NBEA: variants seen among roughly 807,000 people sequenced by gnomAD.
NBEA encodes the protein neurobeachin, also known as lysosomal-trafficking regulator 2.
A neutral mutation model predicts 343.4 loss-of-function variants in NBEA; 44 were observed. The observed-to-expected ratio is 0.13, with a 90% CI of 0.10 to 0.16. NBEA has a LOEUF of 0.16. Among genes scored for constraint, NBEA ranks in the 10% least tolerant of loss-of-function variants. The pLI, the probability that NBEA is intolerant of heterozygous loss-of-function variation, is 1.00. For missense variants in NBEA, 2,555 were observed against 3,631.3 expected (o/e 0.70, Z 7.62); for synonymous variants, 1,175 against 1,238.7 (o/e 0.95, Z 1.08).
intron 38 of NBEA, among the ~76,000 whole-genome samples, chr13:35,359,433 T>A (rs1406828249): frequency 3.9e-5 from 6 of 152,180 alleles, no homozygotes; most frequent in African/African-American, 1.2e-4. Context: ...TACTAATTGT[T>A]GTTATATCCC....
intron 51 of NBEA, 84 bp downstream of exon 51, chr13:35,646,432 A>T: frequency 1.0e-6 from 1 of 988,124 alleles, no homozygotes; most frequent in Non-Finnish European, 1.6e-6. Flanking sequence ...TTTTAACAGC[A>T]TATTTTAAAA....
At chr13:35,467,256 A>G (rs1254953738) in intron 40 of NBEA, among the ~76,000 whole-genome samples, 1 of 152,018 alleles carries the variant, frequency 6.6e-6, no homozygotes, top group Admixed American at 6.6e-5. Flanking sequence ...GGCGGATCAC[A>G]AGGTCAGGAG....
intron 18 of NBEA, 143 bp from the exon 19 acceptor site, chr13:35,155,630 GA>G: frequency 1.6e-6 from 1 of 606,282 alleles, no homozygotes. Context: ...TTGAAAGAAA[GA>G]AAGAAAAAAG....
intron 34 of NBEA, among the ~76,000 whole-genome samples, chr13:35,275,995 T>C (rs2034556486): frequency 6.6e-6 from 1 of 151,882 alleles, no homozygotes; most frequent in African/African-American, 2.4e-5. Flanking sequence ...GAACTTAAAG[T>C]ATAATAATTT....
At position 35,655,797 on chromosome 13, in the gene NBEA, A is replaced by G. The variant is rs370661118; in HGVS notation, c.8362+48A>G. On this transcript the variant is annotated intron_variant, in intron 55 of 58. Transcript: ENST00000379939. Reference sequence around the variant, plus strand: ...TCCTATCAAACTATAGTTTATTTAAATATATTTTGCCTTTTTGATTTTCCT... The same window carrying G: ...TCCTATCAAACTATAGTTTATTTAAGTATATTTTGCCTTTTTGATTTTCCT... The G allele has an allele frequency of 1.9e-5, 29 of 1,514,020 alleles. No homozygotes were observed. In the African/African-American group the frequency reaches 3.4e-4, roughly 18 times the overall value. 93.8% of individuals were successfully genotyped at this position (1,514,020 alleles called of 1,614,324 possible).
chr13:35,527,205 G>A (rs552499721), intron 41 of NBEA, among the ~76,000 whole-genome samples: 2 of 152,294 alleles, frequency 1.3e-5, no homozygotes, highest in Admixed American at 1.3e-4. Context: ...TCAGACGGGA[G>A]GAAGTACATG....
At chr13:35,609,970 C>T (rs1177623584) in intron 48 of NBEA, among the ~76,000 whole-genome samples, 1 of 152,122 alleles carries the variant, frequency 6.6e-6, no homozygotes. Context: ...CTTAGGAGTA[C>T]GTCTGCACTG....
At chr13:35,201,104 A>G (rs1278774072) in intron 31 of NBEA, among the ~76,000 whole-genome samples, 4 of 152,034 alleles carry the variant, frequency 2.6e-5, no homozygotes, top group Non-Finnish European at 4.4e-5. Flanking sequence ...TTTACAATTG[A>G]AATTTTCTAC....
At chr13:35,284,000 A>ACG (rs1470958204) in intron 34 of NBEA, among the ~76,000 whole-genome samples, 2 of 142,206 alleles carry the variant, frequency 1.4e-5, no homozygotes, top group Non-Finnish European at 1.6e-5. Context: ...ACACACACAC[A>ACG]CACACACACA....
At chr13:35,463,170 AG>A (rs1178715872) in intron 40 of NBEA, among the ~76,000 whole-genome samples, 1 of 152,244 alleles carries the variant, frequency 6.6e-6, no homozygotes, top group Non-Finnish European at 1.5e-5. Flanking sequence ...CAGGAAGTAA[AG>A]TAGTAAGAGA....
chr13:34,996,341 A>G (rs1301062662), intron 1 of NBEA, among the ~76,000 whole-genome samples: 1 of 152,176 alleles, frequency 6.6e-6, no homozygotes, highest in African/African-American at 2.4e-5. Context: ...TTTATTTTAC[A>G]TCCCATGATA....
At chr13:35,636,014 A>G (rs2083676345) in intron 49 of NBEA, among the ~76,000 whole-genome samples, 1 of 152,228 alleles carries the variant, frequency 6.6e-6, no homozygotes, top group African/African-American at 2.4e-5. Flanking sequence ...AACAGCAAGT[A>G]CTTTCACAAG....
intron 1 of NBEA, among the ~76,000 whole-genome samples, chr13:34,994,069 G>A (rs914088185): frequency 1.3e-5 from 2 of 151,430 alleles, no homozygotes; most frequent in African/African-American, 2.4e-5. Flanking sequence ...GTGATGGTGG[G>A]TGCCTGAAAT....
At chr13:35,471,723 AC>A in intron 40 of NBEA, among the ~76,000 whole-genome samples, 1 of 152,190 alleles carries the variant, frequency 6.6e-6, no homozygotes, top group Non-Finnish European at 1.5e-5. Flanking sequence ...TTTTTTGAGA[AC>A]CGTTTTGTTC....
chr13:35,229,676 A>G (rs2074859749), intron 33 of NBEA, among the ~76,000 whole-genome samples: 1 of 152,168 alleles, frequency 6.6e-6, no homozygotes, highest in Non-Finnish European at 1.5e-5. Context: ...AATGGAAATA[A>G]CAAAATGACA....
Position 35,041,121 on chromosome 13 carries a change from A to G in NBEA, c.483A>G (p.Glu161=). The G allele has an allele frequency of 6.2e-7, 1 of 1,612,546 alleles. No homozygotes were observed. Among genetic ancestry groups the G allele is most frequent in the Non-Finnish European group, 8.5e-7 (1 of 1,179,416 alleles). The change falls in exon 2 of 59, where the codon GAA becomes GAG. Residue 161 remains glutamate (E), a synonymous_variant. Coordinates refer to ENST00000379939, the MANE Select transcript of NBEA (RefSeq NM_001385012.1). ...LQTSTEVGLI[E]QVLLKMSAVD... ...CTAGCACAGAAGTTGGGCTAATTGA[A>G]CAAGTATTGCTGAAAATGAGTGCTG... is the stretch of plus-strand genomic sequence containing the variant.
chr13:35,226,929 A>G (rs1214935044), intron 33 of NBEA, among the ~76,000 whole-genome samples: 1 of 152,070 alleles, frequency 6.6e-6, no homozygotes, highest in Non-Finnish European at 1.5e-5. Flanking sequence ...AACTTGAAAA[A>G]TGTTTACTTG....
chr13:34,971,221 A>G (rs1025881199), intron 1 of NBEA, among the ~76,000 whole-genome samples: 6 of 151,986 alleles, frequency 3.9e-5, no homozygotes, highest in Non-Finnish European at 7.4e-5. Flanking sequence ...TTGTACATTT[A>G]TTTTGTATCC....
At chr13:35,526,923 C>G (rs1325609091) in intron 41 of NBEA, among the ~76,000 whole-genome samples, 1 of 152,080 alleles carries the variant, frequency 6.6e-6, no homozygotes, top group Non-Finnish European at 1.5e-5. Context: ...CGACAAGAAG[C>G]TGGTAGACAC....
Sources: allele counts gnomAD v4.1 joint callset (sites outside exome capture counted in the v4.1 genomes callset), GRCh38; gene constraint gnomAD v4.1.1; transcripts MANE v1.5; gene names NCBI Gene and HGNC (gene_info 2026-07-23, HGNC 2026-07-21).